PCDHGA7: variants seen among roughly 807,000 people sequenced by gnomAD.
PCDHGA7 encodes the protein protocadherin gamma subfamily A, 7.
PCDHGA7 carries 44 observed loss-of-function variants against 58.3 expected under a neutral mutation model. The ratio of observed to expected loss-of-function variants is 0.75; its 90% CI spans 0.59 to 0.97. The LOEUF is 0.97. Ranked by LOEUF, PCDHGA7 falls within the 50% of genes least tolerant of loss-of-function variation. PCDHGA7 has a pLI of 0.00. For synonymous variants in PCDHGA7, 516 were observed against 504.2 expected, an observed-to-expected ratio of 1.02 and a Z score of -0.31; for missense variants, 1,266 against 1,188.7, an observed-to-expected ratio of 1.06 and a Z score of -0.96.
Position 141,510,999 on chromosome 5 carries a change from G to C in PCDHGA7, c.2625G>C (p.Leu875Phe). Residue 875 changes from leucine (L) to phenylalanine (F), a missense_variant, in exon 4 of 4, where the codon TTG (leucine) becomes TTC (phenylalanine). Coordinates refer to ENST00000518325, the MANE Select transcript of PCDHGA7 (RefSeq NM_018920.4). ...GAGGGGGTGCCGGCACCATGGGATT[G>C]AGCGCCCGCTACGGACCCCAGTTCA... ...TLGGGAGTMG[L>F]SARYGPQFTL... 6.2e-7 allele frequency: 1 copy of C among 1,614,144 alleles called. No homozygotes were observed. Among genetic ancestry groups the C allele is most frequent in the Non-Finnish European group, 8.5e-7 (1 of 1,180,008 alleles).
chr5:141,392,757 AAT>A, intron 1 of PCDHGA7: 1 of 1,471,072 alleles, frequency 6.8e-7, no homozygotes, highest in African/African-American at 1.4e-5. Flanking sequence ...CAAGAAACTA[AAT>A]AAGACCCATT....
intron 1 of PCDHGA7, among the ~76,000 whole-genome samples, chr5:141,465,347 G>A (rs2099101721): frequency 6.6e-6 from 1 of 151,938 alleles, no homozygotes; most frequent in South Asian, 2.1e-4. Context: ...GGTTACTGAA[G>A]AAAAAATGGG....
chr5:141,503,608 A>AAAAAAAG (rs1483073868), intron 2 of PCDHGA7, among the ~76,000 whole-genome samples: 1 of 151,994 alleles, frequency 6.6e-6, no homozygotes, highest in East Asian at 1.9e-4. Flanking sequence ...CAAAAAAAAA[A>AAAAAAAG]AAAAAAGAAA....
intron 1 of PCDHGA7, chr5:141,415,156 A>T: frequency 6.2e-7 from 1 of 1,613,798 alleles, no homozygotes. Flanking sequence ...TCTCTCCGCC[A>T]CTGTCACGCT....
intron 1 of PCDHGA7, chr5:141,421,475 G>A (rs752558543): frequency 4.3e-6 from 7 of 1,614,150 alleles, no homozygotes. Flanking sequence ...CCGCGAAGCG[G>A]CAGCTTGATC....
Position 141,489,662 on chromosome 5 carries a change from G to T in PCDHGA7, c.2425-5145G>T, listed in dbSNP as rs2233601. On this transcript the variant is annotated intron_variant, in intron 1 of 3. Transcript: ENST00000518325. The surrounding 1 kb of genome is among the most constrained non-coding windows in gnomAD (Gnocchi z 4.5). Reference sequence around the variant, plus strand: ...TTTGCCACCCCTGAGCGAGAGATGCGCATCTCAGAATCAGCAGCATCTGGG... The same window carrying T: ...TTTGCCACCCCTGAGCGAGAGATGCTCATCTCAGAATCAGCAGCATCTGGG... 2.5e-6 allele frequency: 4 copies of T among 1,614,024 alleles called. No homozygotes were observed. The African/African-American group carries it at 4.0e-5, about 16-fold the overall frequency.
chr5:141,486,148 G>A lies in PCDHGA7; in HGVS notation c.2425-8659G>A. On this transcript the variant is annotated intron_variant, in intron 1 of 3. Coordinates refer to ENST00000518325, the MANE Select transcript of PCDHGA7 (RefSeq NM_018920.4). This position sits in a 1 kb window ranked among gnomAD's most constrained non-coding sequence, Gnocchi z 5.0. ...AATTTGATGTGCGGGCTCGCGATGG[G>A]GGTTCTCCAGCCATGGAGCAACATT... 2 of 1,614,164 alleles carry A rather than the reference G, an allele frequency of 1.2e-6. No homozygotes were observed. The highest frequency in any genetic ancestry group is 1.7e-6 in the Non-Finnish European group (2 of 1,180,026).
chr5:141,386,174 A>G (rs2090487407), intron 1 of PCDHGA7, among the ~76,000 whole-genome samples: 1 of 152,240 alleles, frequency 6.6e-6, no homozygotes, highest in South Asian at 2.1e-4. Flanking sequence ...ACCTTAGACC[A>G]TCTTATGTAC....
intron 1 of PCDHGA7, chr5:141,389,586 G>T: frequency 6.2e-7 from 1 of 1,613,166 alleles, no homozygotes; most frequent in Non-Finnish European, 8.5e-7. Context: ...GCTGGGTCCC[G>T]ACGGCTCTGC....
At chr5:141,395,253 T>G (rs765397414) in intron 1 of PCDHGA7, 1 of 1,557,696 alleles carries the variant, frequency 6.4e-7, no homozygotes, top group Admixed American at 2.0e-5. Flanking sequence ...TTTAGTTCTT[T>G]GCTTGCTTTT....
intron 1 of PCDHGA7, chr5:141,418,282 A>G (rs1209026046): frequency 6.2e-7 from 1 of 1,614,030 alleles, no homozygotes; most frequent in Admixed American, 1.7e-5. Flanking sequence ...TAAACTTAGA[A>G]ATCAGTGAAT....
intron 1 of PCDHGA7, among the ~76,000 whole-genome samples, chr5:141,481,109 A>G (rs959629019): frequency 6.6e-6 from 1 of 152,186 alleles, no homozygotes; most frequent in Non-Finnish European, 1.5e-5. Flanking sequence ...GGAACCTACC[A>G]ATCCATCATT....
chr5:141,490,229 T>C lies in PCDHGA7; in HGVS notation c.2425-4578T>C. The C allele has an allele frequency of 6.2e-7, 1 of 1,614,198 alleles. No individual in the cohort carries two copies. Among genetic ancestry groups the C allele is most frequent in the Non-Finnish European group, 8.5e-7 (1 of 1,180,034 alleles). On this transcript the variant is annotated intron_variant, in intron 1 of 3. Coordinates refer to ENST00000518325, the MANE Select transcript of PCDHGA7 (RefSeq NM_018920.4). The surrounding 1 kb of genome is among the most constrained non-coding windows in gnomAD (Gnocchi z 5.4). ...GCCCGTGACCAGGGACAGCCTGCCA[T>C]GGAGGGCCACTGTGTGATTCAAGTG... is the stretch of plus-strand genomic sequence containing the variant.
intron 1 of PCDHGA7, chr5:141,409,456 C>T: frequency 1.2e-6 from 2 of 1,613,974 alleles, no homozygotes; most frequent in Middle Eastern, 3.3e-4. Context: ...CACCAGAATA[C>T]AATGTCACCA....
intron 1 of PCDHGA7, chr5:141,478,323 G>T (rs1234175290): frequency 1.2e-6 from 2 of 1,613,958 alleles, no homozygotes; most frequent in African/African-American, 2.7e-5. Context: ...TCACTGTACC[G>T]AACACCAGGG....
At chr5:141,387,602 G>A in intron 1 of PCDHGA7, 3 of 545,116 alleles carry the variant, frequency 5.5e-6, no homozygotes, top group Middle Eastern at 9.5e-4. Context: ...AGCAGCAGAG[G>A]CTGTAGTTTC....
chr5:141,398,145 G>A, intron 1 of PCDHGA7: 2 of 1,520,796 alleles, frequency 1.3e-6, no homozygotes, highest in Admixed American at 4.8e-5. Context: ...GCGGCGCCGG[G>A]GAGCTGGGCC....
chr5:141,396,326 A>T (rs1198474229), intron 1 of PCDHGA7: 3 of 152,326 alleles, frequency 2.0e-5, no homozygotes, highest in Admixed American at 1.3e-4. Context: ...TCTCTAAAAA[A>T]ACTATTATTA....
In PCDHGA7 at chr5:141,489,801, T is replaced by C. The variant is rs201458939; in HGVS notation, c.2425-5006T>C. 6.2e-7 allele frequency: 1 copy of C among 1,614,148 alleles called. No homozygotes were observed. On this transcript the variant is annotated intron_variant, in intron 1 of 3. Coordinates refer to ENST00000518325, the MANE Select transcript of PCDHGA7 (RefSeq NM_018920.4). The surrounding 1 kb of genome is among the most constrained non-coding windows in gnomAD (Gnocchi z 4.5). The stretch of plus-strand genomic sequence containing the variant: ...CTCTGAATGTGAAGACCCTAAAAGA[T>C]GGGAAGCCATTCCCAGAGCTGGTGC...
Sources: gnomAD v4.1 joint callset for allele counts (sites outside exome capture counted in the v4.1 genomes callset) on GRCh38, gnomAD v4.1.1 for gene constraint, Gnocchi (gnomAD v3.1) non-coding constraint, MANE v1.5 for transcripts, NCBI Gene and HGNC (gene_info 2026-07-23, HGNC 2026-07-21) for gene names.